The following TSEN2 variants were observed in gnomAD, a reference collection of about 807,000 sequenced individuals.
TSEN2 encodes tRNA-splicing endonuclease subunit Sen2.
TSEN2 carries 54 observed loss-of-function variants against 59.2 expected under a neutral mutation model. The ratio of observed to expected loss-of-function variants is 0.91; its 90% CI spans 0.73 to 1.14. TSEN2 has a LOEUF of 1.14. Ranked by LOEUF, TSEN2 falls within the 50% of genes most tolerant of loss-of-function variation. The probability of loss-of-function intolerance (pLI) is 0.00; values close to 1 mark genes in which losing one functional copy is unlikely to be tolerated. For missense variants in TSEN2, 636 were observed against 576.2 expected (o/e 1.10, Z -1.06); for synonymous variants, 195 against 198.2 (o/e 0.98, Z 0.14).
intron 7 of TSEN2, among the ~76,000 whole-genome samples, chr3:12,518,478 C>G (rs377627288): frequency 2.3e-4 from 35 of 152,264 alleles, no homozygotes; most frequent in African/African-American, 7.0e-4. Flanking sequence ...GTCCTTTTCC[C>G]TCACTACTTG....
Position 12,528,763 on chromosome 3 carries a change from T to C in TSEN2, c.1100-125T>C, listed in dbSNP as rs1010682678. ...ATATTGCAGATGATCTGTCTACATA[T>C]AGATTATTGAGTATTTGCTTCCTTT... On this transcript the variant is annotated intron_variant, in intron 8 of 11. Coordinates refer to ENST00000284995, the MANE Select transcript of TSEN2 (RefSeq NM_025265.4). The C allele has an allele frequency of 1.4e-5, 13 of 941,786 alleles. No individual in the cohort carries two copies. In the Admixed American group the frequency reaches 1.4e-4, roughly 10 times the overall value. 58.3% of individuals were successfully genotyped at this position (941,786 alleles called of 1,614,324 possible). A position where few individuals can be genotyped will look rare whatever the true frequency, so the allele number is the denominator to read the frequency against.
rs1575310558 is a variant in TSEN2, at chr3:12,503,493, A to G, written c.540A>G (p.Ser180=). The G allele has an allele frequency of 6.2e-7, 1 of 1,614,228 alleles. No homozygotes were observed. Among genetic ancestry groups the G allele is most frequent in the Non-Finnish European group, 8.5e-7 (1 of 1,180,032 alleles). ...PSVVNGDSGK[S]GGVGDPREPL... ...TGGTAAACGGGGACTCTGGAAAGTC[A>G]GGTGGTGTGGGTGATCCCCGTGAGC... Residue 180 remains serine (S), a synonymous_variant, in exon 5 of 12, where the codon TCA becomes TCG. Transcript: ENST00000284995.
In TSEN2 at chr3:12,503,289, A is replaced by C; in HGVS notation, c.336A>C (p.Ala112=). 1 of 1,614,214 alleles carries C rather than the reference A, an allele frequency of 6.2e-7. No homozygotes were observed. The highest frequency in any genetic ancestry group is 1.1e-5 in the South Asian group (1 of 91,086). Residue 112 remains alanine (A), a synonymous_variant, in exon 5 of 12, where the codon GCA becomes GCC. Coordinates refer to ENST00000284995, the MANE Select transcript of TSEN2 (RefSeq NM_025265.4). The stretch of plus-strand genomic sequence containing the variant: ...ATCAGCATAGTGTTGAGTGGGCAGC[A>C]GAGCTGATGCGTAGACAGGGGCAGG... ...KRYQHSVEWA[A]ELMRRQGQDE...
rs148017012 is a variant in TSEN2, at chr3:12,528,896, C to T, written c.1108C>T (p.Arg370Trp). 29 of 1,613,714 alleles carry T rather than the reference C, an allele frequency of 1.8e-5. No individual in the cohort carries two copies. In the East Asian group the frequency reaches 2.0e-4, roughly 11 times the overall value. ...LKYGTDLLLYRKGPPFYHASY... is the reference protein window; with the variant it reads ...LKYGTDLLLYWKGPPFYHASY... ...TTCTTTCTTCTTTGCAGTGCTATAT[C>T]GGAAAGGCCCTCCATTTTACCATGC... is the stretch of plus-strand genomic sequence containing the variant. The change falls in exon 9 of 12, where the codon CGG (arginine) becomes TGG (tryptophan). Residue 370 changes from arginine (R) to tryptophan (W), a missense_variant. Coordinates refer to ENST00000284995, the MANE Select transcript of TSEN2 (RefSeq NM_025265.4).
chr3:12,527,761 G>A (rs965493221), intron 8 of TSEN2, among the ~76,000 whole-genome samples: 20 of 152,262 alleles, frequency 1.3e-4, no homozygotes, highest in African/African-American at 4.8e-4. Flanking sequence ...TTTAGTAACT[G>A]CTTCCTGGTG....
At chr3:12,480,529 T>TTG (rs2052180087), upstream of TSEN2, among the ~76,000 whole-genome samples, 2 of 51,356 alleles carry the variant, frequency 3.9e-5, no homozygotes, top group Admixed American at 1.7e-4. Flanking sequence ...TGTTTCTTTG[T>TTG]TTTTTTTTTT....
At chr3:12,508,210 T>C (rs1158111030) in intron 6 of TSEN2, among the ~76,000 whole-genome samples, 1 of 152,138 alleles carries the variant, frequency 6.6e-6, no homozygotes, top group Non-Finnish European at 1.5e-5. Flanking sequence ...CTGCTGTCTT[T>C]TATTGACAAA....
intron 4 of TSEN2, among the ~76,000 whole-genome samples, chr3:12,502,680 T>G (rs1303841029): frequency 6.9e-6 from 1 of 144,152 alleles, no homozygotes; most frequent in African/African-American, 2.7e-5. Context: ...TTTTTTTGTT[T>G]TTTTTTTTGT....
chr3:12,495,016 C>G (rs563576323), intron 3 of TSEN2, among the ~76,000 whole-genome samples: 2 of 143,984 alleles, frequency 1.4e-5, no homozygotes, highest in Admixed American at 1.5e-4. Context: ...ATCCCAGCTA[C>G]TTGGGAGGCT....
At chr3:12,521,666 G>A (rs796177) in intron 8 of TSEN2, among the ~76,000 whole-genome samples, 75,535 of 151,650 alleles carry the variant, frequency 0.5, 19,929 homozygotes, top group African/African-American at 0.65. Context: ...AGTGAGCCAA[G>A]ATCACACCAC....
At chr3:12,481,589 A>G (rs1232609659), upstream of TSEN2, among the ~76,000 whole-genome samples, 1 of 152,188 alleles carries the variant, frequency 6.6e-6, no homozygotes, top group Non-Finnish European at 1.5e-5. Flanking sequence ...CACCCAAGAA[A>G]TGTGCCTTAT....
At chr3:12,534,594 A>G (rs970859855), downstream of TSEN2, among the ~76,000 whole-genome samples, 2 of 152,058 alleles carry the variant, frequency 1.3e-5, no homozygotes, top group African/African-American at 4.8e-5. Flanking sequence ...CGAGGTCAGG[A>G]GATCAAGACC....
intron 6 of TSEN2, among the ~76,000 whole-genome samples, chr3:12,509,095 A>T (rs1043067717): frequency 6.6e-6 from 1 of 151,698 alleles, no homozygotes; most frequent in Non-Finnish European, 1.5e-5. Flanking sequence ...GGGGGAGCAA[A>T]TTTTTTTTTA....
chr3:12,508,118 T>C (rs1402950040), intron 6 of TSEN2, among the ~76,000 whole-genome samples: 1 of 152,168 alleles, frequency 6.6e-6, no homozygotes, highest in Non-Finnish European at 1.5e-5. Context: ...GCTGGAGGCC[T>C]GGCCTGGGAG....
intron 9 of TSEN2, 27 bp downstream of exon 9, chr3:12,528,951 A>G: frequency 1.2e-6 from 2 of 1,613,474 alleles, no homozygotes; most frequent in Non-Finnish European, 1.7e-6. Context: ...AAATAAACTA[A>G]TGGGTTAAAG....
downstream of TSEN2, among the ~76,000 whole-genome samples, chr3:12,533,949 T>C (rs1030697886): frequency 2.0e-5 from 3 of 152,122 alleles, no homozygotes; most frequent in East Asian, 5.8e-4. Flanking sequence ...GCAGCAGCCT[T>C]GTGAATTCAG....
At chr3:12,499,145 C>T (rs1417955352) in intron 4 of TSEN2, among the ~76,000 whole-genome samples, 3 of 152,286 alleles carry the variant, frequency 2.0e-5, no homozygotes, top group East Asian at 1.9e-4. Flanking sequence ...CAATAATAGT[C>T]GTCCTTGGAT....
chr3:12,481,577 C>T (rs537052957), upstream of TSEN2, among the ~76,000 whole-genome samples: 16 of 152,184 alleles, frequency 1.1e-4, no homozygotes, highest in African/African-American at 2.6e-4. Context: ...TCTGGTGTTC[C>T]CCACCCAAGA....
chr3:12,523,788 C>T (rs1224904361), intron 8 of TSEN2, among the ~76,000 whole-genome samples: 4 of 151,938 alleles, frequency 2.6e-5, no homozygotes, highest in African/African-American at 9.7e-5. Flanking sequence ...GATCTGCCTG[C>T]CTCGGCCTCC....
Sources: allele counts gnomAD v4.1 joint callset (sites outside exome capture counted in the v4.1 genomes callset), GRCh38; gene constraint gnomAD v4.1.1; transcripts MANE v1.5; gene names NCBI Gene and HGNC (gene_info 2026-07-23, HGNC 2026-07-21).